Variants in PTP4A2 observed in about 807,000 individuals in gnomAD.
The protein encoded by PTP4A2 is protein tyrosine phosphatase type IVA 2.
A neutral mutation model predicts 22.9 loss-of-function variants in PTP4A2; 2 were observed. That is an observed-to-expected ratio of 0.09 (90% CI 0.04 to 0.27). PTP4A2 has a LOEUF of 0.27. PTP4A2 is among the 10% of genes least tolerant of loss of function. The pLI is 1.00. For missense variants in PTP4A2, 103 were observed against 205.1 expected, an observed-to-expected ratio of 0.50 and a Z score of 3.04; for synonymous variants, 68 against 69.1, an observed-to-expected ratio of 0.98 and a Z score of 0.08.
In PTP4A2 at chr1:31,907,126, T is replaced by TATC. The variant is rs1198096542; in HGVS notation, c.*1723_*1725dup. On this transcript the variant is annotated 3_prime_UTR_variant, in exon 6 of 6. Transcript: ENST00000647444. ...TCACATAGCCGGTCAACATGTGAGG[T>TATC]ATCATCAGTGTGAGACAAGGTCCCG... 2.0e-5 allele frequency: 3 copies of TATC among 152,118 alleles called. No homozygotes were observed. The highest frequency in any genetic ancestry group is 7.2e-5 in the African/African-American group (3 of 41,418). The allele number at this position is 152,118 out of a possible 1,614,324, so 9.4% of individuals were successfully genotyped here. A position where few individuals can be genotyped will look rare whatever the true frequency, so the allele number is the denominator to read the frequency against.
intron 1 of PTP4A2, among the ~76,000 whole-genome samples, chr1:31,929,239 A>G (rs1652617324): frequency 6.6e-6 from 1 of 152,246 alleles, no homozygotes; most frequent in Non-Finnish European, 1.5e-5. Context: ...ATTTAAATGC[A>G]GGTTAACAGC....
At chr1:31,913,213 T>C (rs1475506396) in intron 3 of PTP4A2, among the ~76,000 whole-genome samples, 1 of 152,176 alleles carries the variant, frequency 6.6e-6, no homozygotes, top group Admixed American at 6.6e-5. Flanking sequence ...TTTGGGGATA[T>C]CCTCTTACCA....
In PTP4A2 at chr1:31,907,324, C is replaced by A. The variant is rs1237341192; in HGVS notation, c.*1528G>T. On this transcript the variant is annotated 3_prime_UTR_variant, in exon 6 of 6. Transcript: ENST00000647444. ...AATAGTGCAAGAGCCCCTGATGGTG[C>A]CCCTCTACCTGCTTTGTCCATGCAG... The A allele has an allele frequency of 1.3e-5, 2 of 152,190 alleles. No homozygotes were observed. The highest frequency in any genetic ancestry group is 4.8e-5 in the African/African-American group (2 of 41,438). 9.4% of individuals were successfully genotyped at this position (152,190 alleles called of 1,614,324 possible). A position where few individuals can be genotyped will look rare whatever the true frequency, so the allele number is the denominator to read the frequency against.
chr1:31,922,906 G>C (rs57541489), intron 1 of PTP4A2, among the ~76,000 whole-genome samples: 1 of 151,176 alleles, frequency 6.6e-6, no homozygotes, highest in Non-Finnish European at 1.5e-5. Context: ...ACAGGCATGA[G>C]TCACCGTGCC....
chr1:31,916,345 CAAAAA>C (rs1167002913), intron 2 of PTP4A2, among the ~76,000 whole-genome samples: 2 of 35,466 alleles, frequency 5.6e-5, no homozygotes, highest in South Asian at 1.2e-3. Context: ...ACTCCGTCTC[CAAAAA>C]AAAAAAAAAA....
chr1:31,911,386 G>T, intron 4 of PTP4A2: 1 of 200,168 alleles, frequency 5.0e-6, no homozygotes, highest in Non-Finnish European at 1.0e-5. Flanking sequence ...ACCATGTATA[G>T]ATTCATCAAA....
chr1:31,937,324 T>C (rs78792213), intron 1 of PTP4A2, among the ~76,000 whole-genome samples: 4,209 of 152,136 alleles, frequency 0.028, 195 homozygotes, highest in African/African-American at 0.094. Context: ...AGGAGACTTA[T>C]ACCCCCTTTC....
chr1:31,914,191 C>T (rs1651696488), intron 3 of PTP4A2: 1 of 436,688 alleles, frequency 2.3e-6, no homozygotes, highest in African/African-American at 2.0e-5. Flanking sequence ...CTCAACCTCC[C>T]AAGTAGCTAG....
chr1:31,923,587 G>T (rs1172761432), intron 1 of PTP4A2, among the ~76,000 whole-genome samples: 1 of 151,906 alleles, frequency 6.6e-6, no homozygotes, highest in African/African-American at 2.4e-5. Flanking sequence ...GCCCGCCTCG[G>T]CCTCCCAAAG....
chr1:31,915,912 C>T lies in PTP4A2; in HGVS notation c.172G>A (p.Glu58Lys), dbSNP rs1049048819. 19 of 1,603,416 alleles carry T rather than the reference C, an allele frequency of 1.2e-5. No homozygotes were observed. The highest frequency in any genetic ancestry group is 1.6e-5 in the Non-Finnish European group (19 of 1,174,568). The stretch of plus-strand genomic sequence containing the variant: ...ACACTCACTAGAACGTGGATTCCTT[C>T]TTTTTCAACTGGAGCTTTATCATAT... Reference protein sequence around the residue: ...ATYDKAPVEKEGIHVLDWPFD... With the variant: ...ATYDKAPVEKKGIHVLDWPFD... The change falls in exon 3 of 6, where the codon GAA becomes AAA. Residue 58 changes from glutamate to lysine, a missense_variant. Physicochemically the swap from Glu to Lys is moderately conservative, Grantham distance 56. Around this residue, in one of 3 missense-constraint regions of PTP4A2, gnomAD observed 66 missense variants for 113.0 expected, o/e 0.58. Coordinates refer to ENST00000647444, the MANE Select transcript of PTP4A2 (RefSeq NM_080391.4).
At chr1:31,914,145 C>T in intron 3 of PTP4A2, 1 of 401,668 alleles carries the variant, frequency 2.5e-6, no homozygotes, top group Non-Finnish European at 5.0e-6. Flanking sequence ...TGGCTCACTG[C>T]AGCCTTGACC....
Position 31,908,828 on chromosome 1 carries a change from G to T in PTP4A2, c.*24C>A, listed in dbSNP as rs1186017940. ...AGTTCCCTCTAAATGGCACAATCAAGTCAGCCTTCGTTTACATTTCCTTCT... is the reference window on the plus strand; with the variant it reads ...AGTTCCCTCTAAATGGCACAATCAATTCAGCCTTCGTTTACATTTCCTTCT... On this transcript the variant is annotated 3_prime_UTR_variant, in exon 6 of 6. Coordinates refer to ENST00000647444, the MANE Select transcript of PTP4A2 (RefSeq NM_080391.4). The T allele has an allele frequency of 1.9e-6, 3 of 1,541,066 alleles. No individual in the cohort carries two copies. Among genetic ancestry groups the T allele is most frequent in the Non-Finnish European group, 2.7e-6 (3 of 1,117,712 alleles).
intron 1 of PTP4A2, among the ~76,000 whole-genome samples, chr1:31,926,270 A>G (rs1652459903): frequency 6.6e-6 from 1 of 151,508 alleles, no homozygotes; most frequent in African/African-American, 2.4e-5. Flanking sequence ...TTGGTGAGCT[A>G]CGCCAGTATT....
intron 3 of PTP4A2, among the ~76,000 whole-genome samples, chr1:31,915,320 C>T (rs1403949631): frequency 6.6e-6 from 1 of 152,040 alleles, no homozygotes; most frequent in Non-Finnish European, 1.5e-5. Flanking sequence ...TTTTCCACTA[C>T]AACCTTAAAA....
chr1:31,925,617 G>A (rs891165403), intron 1 of PTP4A2, among the ~76,000 whole-genome samples: 23 of 151,696 alleles, frequency 1.5e-4, no homozygotes, highest in Admixed American at 5.3e-4. Flanking sequence ...AAAATTAGTC[G>A]GGTGTGGTGG....
At chr1:31,920,536 C>CTT (rs35696767) in intron 1 of PTP4A2, among the ~76,000 whole-genome samples, 34 of 130,220 alleles carry the variant, frequency 2.6e-4, no homozygotes, top group African/African-American at 4.4e-4. Flanking sequence ...CTTCCATGAA[C>CTT]TTTTTTTTTT....
chr1:31,911,096 A>G (rs1651511379), intron 4 of PTP4A2: 1 of 152,280 alleles, frequency 6.6e-6, no homozygotes, highest in Non-Finnish European at 1.5e-5. Context: ...ACACTACAAA[A>G]AAGGAAATAG....
intron 1 of PTP4A2, among the ~76,000 whole-genome samples, chr1:31,936,688 G>A (rs1439818613): frequency 6.6e-6 from 1 of 152,152 alleles, no homozygotes; most frequent in Non-Finnish European, 1.5e-5. Flanking sequence ...GCCAAGATCA[G>A]AATACCAGCA....
At chr1:31,925,573 C>T (rs1162670820) in intron 1 of PTP4A2, among the ~76,000 whole-genome samples, 6 of 151,734 alleles carry the variant, frequency 4.0e-5, no homozygotes, top group Admixed American at 3.9e-4. Context: ...TCCTGGCTAA[C>T]ACGGTGAAAC....
Sources: gnomAD v4.1 joint callset for allele counts (sites outside exome capture counted in the v4.1 genomes callset) on GRCh38, gnomAD v4.1.1 for gene constraint, gnomAD v4.1.1 regional missense constraint, MANE v1.5 for transcripts, NCBI Gene and HGNC (gene_info 2026-07-23, HGNC 2026-07-21) for gene names.